The following BMPR1B variants were observed in gnomAD, a reference collection of about 807,000 sequenced individuals.
The protein encoded by BMPR1B is bone morphogenetic protein receptor type 1B, also known as bone morphogenetic protein receptor type-1B.
In BMPR1B, 12 loss-of-function variants were observed where a neutral mutation model predicts 59.1. That is an observed-to-expected ratio of 0.20 (90% CI 0.13 to 0.33). The LOEUF (loss-of-function observed/expected upper bound fraction) is 0.33, where lower values mean the gene tolerates loss of function less well. Among genes scored for constraint, BMPR1B ranks in the 10% least tolerant of loss-of-function variants. The probability of loss-of-function intolerance (pLI) is 1.00; values close to 1 mark genes in which losing one functional copy is unlikely to be tolerated. For missense variants in BMPR1B, 550 were observed against 610.9 expected (o/e 0.90, Z 1.05); for synonymous variants, 237 against 207.3 (o/e 1.14, Z -1.23).
At chr4:94,969,868 A>C (rs1259667971) in intron 2 of BMPR1B, among the ~76,000 whole-genome samples, 1 of 152,214 alleles carries the variant, frequency 6.6e-6, no homozygotes, top group Non-Finnish European at 1.5e-5. Flanking sequence ...ACTTTGTCCA[A>C]TAATTATATC....
intron 3 of BMPR1B, among the ~76,000 whole-genome samples, chr4:95,100,809 T>G (rs907434251): frequency 1.3e-5 from 2 of 152,192 alleles, no homozygotes; most frequent in Non-Finnish European, 2.9e-5. Context: ...ATTTTTAAAG[T>G]TCTTTACTTG....
At chr4:94,830,960 C>T (rs1310366308) in intron 1 of BMPR1B, among the ~76,000 whole-genome samples, 1 of 152,080 alleles carries the variant, frequency 6.6e-6, no homozygotes, top group Non-Finnish European at 1.5e-5. Context: ...GTATTGATTC[C>T]ACTTTTTGTC....
Position 94,954,706 on chromosome 4 carries a change from C to T in BMPR1B, c.-112-41334C>T, listed in dbSNP as rs77650408. Reference sequence around the variant, plus strand: ...TCATATTTATATTTTCTGTGTCTCCCTTTTAGTTTTCTTTTTTAAATGATG... The same window carrying T: ...TCATATTTATATTTTCTGTGTCTCCTTTTTAGTTTTCTTTTTTAAATGATG... On this transcript the variant is annotated intron_variant, in intron 2 of 12. Transcript: ENST00000515059. Among the ~76,000 whole-genome samples the T allele has an allele frequency of 4.2e-3, 634 of 152,152 alleles. 4 individuals are homozygous for T. Among genetic ancestry groups the T allele is most frequent in the African/African-American group, 0.015 (614 of 41,502 alleles).
At chr4:94,785,520 A>G (rs879363931) in intron 1 of BMPR1B, among the ~76,000 whole-genome samples, 5 of 152,146 alleles carry the variant, frequency 3.3e-5, no homozygotes, top group Non-Finnish European at 5.9e-5. Flanking sequence ...TTTGATGGGC[A>G]TGGGGGTGGG....
intron 2 of BMPR1B, among the ~76,000 whole-genome samples, chr4:94,968,660 G>A (rs1730652713): frequency 3.3e-5 from 5 of 152,184 alleles, no homozygotes; most frequent in Middle Eastern, 3.4e-3. Context: ...CAGCCTCTGT[G>A]CCTCCGATGT....
At chr4:94,935,487 T>G (rs1729257615) in intron 2 of BMPR1B, among the ~76,000 whole-genome samples, 1 of 152,152 alleles carries the variant, frequency 6.6e-6, no homozygotes, top group African/African-American at 2.4e-5. Flanking sequence ...CAGCTTGCCT[T>G]TCAGTAGTGG....
At chr4:95,100,181 T>G (rs544290935) in intron 3 of BMPR1B, among the ~76,000 whole-genome samples, 12 of 152,142 alleles carry the variant, frequency 7.9e-5, no homozygotes, top group Non-Finnish European at 1.8e-4. Flanking sequence ...CAGGTACCTA[T>G]TCCATCTTTT....
intron 3 of BMPR1B, among the ~76,000 whole-genome samples, chr4:95,075,123 C>T (rs571378606): frequency 3.3e-5 from 5 of 152,194 alleles, no homozygotes; most frequent in South Asian, 4.1e-4. Context: ...ATGTGTCTTT[C>T]TAAAGTGCTG....
chr4:95,125,852 A>G (rs1264392443), intron 8 of BMPR1B, among the ~76,000 whole-genome samples: 1 of 152,078 alleles, frequency 6.6e-6, no homozygotes, highest in Non-Finnish European at 1.5e-5. Context: ...TACTGCTTGC[A>G]GGTCTTCTTT....
chr4:94,843,199 A>G (rs1033739667), intron 1 of BMPR1B, among the ~76,000 whole-genome samples: 4 of 152,236 alleles, frequency 2.6e-5, no homozygotes, highest in Non-Finnish European at 1.5e-5. Flanking sequence ...TCTGACATCC[A>G]TGATCTTAAC....
chr4:95,117,411 G>A (rs1175927833), intron 6 of BMPR1B, among the ~76,000 whole-genome samples: 1 of 152,092 alleles, frequency 6.6e-6, no homozygotes, highest in Non-Finnish European at 1.5e-5. Flanking sequence ...CAGAGGTCTG[G>A]TTTGTAATAT....
chr4:94,850,703 T>C (rs373446619), intron 1 of BMPR1B, among the ~76,000 whole-genome samples: 111 of 152,250 alleles, frequency 7.3e-4, no homozygotes, highest in African/African-American at 2.5e-3. Context: ...TACCTCTGAG[T>C]GTACCGCTCT....
intron 3 of BMPR1B, among the ~76,000 whole-genome samples, chr4:95,066,954 T>C (rs1727855443): frequency 6.6e-6 from 1 of 152,224 alleles, no homozygotes; most frequent in African/African-American, 2.4e-5. Context: ...TTTATTTAGG[T>C]AATAGAGTCT....
chr4:95,021,399 A>G (rs920719717), intron 3 of BMPR1B, among the ~76,000 whole-genome samples: 2 of 152,238 alleles, frequency 1.3e-5, no homozygotes, highest in Non-Finnish European at 2.9e-5. Flanking sequence ...TTTTTAACCT[A>G]GCATATTATT....
At chr4:94,909,576 G>A (rs1431206194) in intron 2 of BMPR1B, among the ~76,000 whole-genome samples, 2 of 152,064 alleles carry the variant, frequency 1.3e-5, no homozygotes, top group African/African-American at 2.4e-5. Flanking sequence ...GAACATGTTA[G>A]TGATAATTGC....
chr4:94,863,630 T>G (rs980787042), intron 1 of BMPR1B, among the ~76,000 whole-genome samples: 5 of 152,242 alleles, frequency 3.3e-5, no homozygotes, highest in Non-Finnish European at 7.3e-5. Context: ...TAATATATTT[T>G]AAAATGGACT....
intron 2 of BMPR1B, among the ~76,000 whole-genome samples, chr4:94,921,691 A>G (rs769866902): frequency 3.9e-5 from 6 of 152,146 alleles, no homozygotes; most frequent in Non-Finnish European, 7.4e-5. Flanking sequence ...CCCATCTCCA[A>G]TATTAGGCAT....
intron 11 of BMPR1B, among the ~76,000 whole-genome samples, chr4:95,149,445 G>T (rs1431552141): frequency 6.6e-6 from 1 of 152,124 alleles, no homozygotes; most frequent in South Asian, 2.1e-4. Flanking sequence ...GGAAATTAAA[G>T]TATCAGAGTA....
intron 1 of BMPR1B, among the ~76,000 whole-genome samples, chr4:94,863,622 A>G (rs941364181): frequency 5.9e-5 from 9 of 152,194 alleles, no homozygotes; most frequent in African/African-American, 1.9e-4. Context: ...TTTTGACATA[A>G]TATATTTTAA....
Sources: gnomAD v4.1 joint callset for allele counts (sites outside exome capture counted in the v4.1 genomes callset) on GRCh38, gnomAD v4.1.1 for gene constraint, MANE v1.5 for transcripts, NCBI Gene and HGNC (gene_info 2026-07-23, HGNC 2026-07-21) for gene names.